Variants in ASH1L observed in about 807,000 individuals in gnomAD.
The protein encoded by ASH1L is histone-lysine N-methyltransferase ASH1L.
In ASH1L, 23 loss-of-function variants were observed where a neutral mutation model predicts 269.0. The ratio of observed to expected loss-of-function variants is 0.09; its 90% CI spans 0.06 to 0.12. The LOEUF (loss-of-function observed/expected upper bound fraction) is 0.12, where lower values mean the gene tolerates loss of function less well. ASH1L is among the 10% of genes least tolerant of loss of function. The probability of loss-of-function intolerance (pLI) is 1.00; values close to 1 mark genes in which losing one functional copy is unlikely to be tolerated. For missense variants in ASH1L, 2,912 were observed against 3,567.8 expected (o/e 0.82, Z 4.68); for synonymous variants, 1,187 against 1,253.5 (o/e 0.95, Z 1.12).
At chr1:155,348,026 A>G (rs930143402) in intron 19 of ASH1L, 122 bp from the exon 20 acceptor site, 11 of 1,154,176 alleles carry the variant, frequency 9.5e-6, no homozygotes, top group African/African-American at 3.1e-5. Flanking sequence ...CAGATTTTCA[A>G]TAGTATCAAA....
Position 155,344,366 on chromosome 1 carries a change from G to T in ASH1L, c.7891-93C>A, listed in dbSNP as rs538103112. ...CTAGAATTCTCAATCAAAACTTACT[G>T]TTTAGTCATTTCAATATACCACAGA... is the stretch of plus-strand genomic sequence containing the variant. On this transcript the variant is annotated intron_variant, in intron 21 of 27. Coordinates refer to ENST00000392403, the MANE Select transcript of ASH1L (RefSeq NM_018489.3). The T allele has an allele frequency of 1.4e-5, 13 of 951,784 alleles. No individual in the cohort carries two copies. In the South Asian group the frequency reaches 1.8e-4, roughly 13 times the overall value. The allele number at this position is 951,784 out of a possible 1,614,324, so 59.0% of individuals were successfully genotyped here. A position where few individuals can be genotyped will look rare whatever the true frequency, so the allele number is the denominator to read the frequency against.
upstream of ASH1L, chr1:155,562,864 C>A (rs1355934695): frequency 2.1e-6 from 1 of 469,722 alleles, no homozygotes; most frequent in Non-Finnish European, 4.2e-6. Flanking sequence ...CCCACGGCCA[C>A]CAACCGCCGC....
intron 2 of ASH1L, among the ~76,000 whole-genome samples, chr1:155,494,899 T>A (rs576484303): frequency 6.6e-6 from 1 of 151,620 alleles, no homozygotes; most frequent in South Asian, 2.1e-4. Context: ...TTAAAGATCA[T>A]GAAGATTGAG....
chr1:155,486,787 C>A (rs77873968), intron 2 of ASH1L, among the ~76,000 whole-genome samples: 1,545 of 151,884 alleles, frequency 0.01, 28 homozygotes, highest in African/African-American at 0.035. Context: ...GAAAATGACA[C>A]TTCCAATTTT....
At chr1:155,360,511 T>G in intron 12 of ASH1L, 102 bp from the exon 13 acceptor site, 1 of 676,516 alleles carries the variant, frequency 1.5e-6, no homozygotes, top group Non-Finnish European at 2.5e-6. Context: ...TGGTGCGATC[T>G]TGGCTCACCG....
intron 5 of ASH1L, among the ~76,000 whole-genome samples, chr1:155,420,805 G>A (rs1490705620): frequency 3.4e-5 from 5 of 145,138 alleles, no homozygotes; most frequent in Non-Finnish European, 6.0e-5. Context: ...AGCCAAGATC[G>A]CACTACTGCA....
chr1:155,489,737 A>G (rs1163131789), intron 2 of ASH1L, among the ~76,000 whole-genome samples: 1 of 151,528 alleles, frequency 6.6e-6, no homozygotes, highest in African/African-American at 2.4e-5. Context: ...CAGCCTGGGC[A>G]ACAGAGGGAG....
At chr1:155,394,943 AT>A (rs112498668) in intron 7 of ASH1L, among the ~76,000 whole-genome samples, 1 of 151,950 alleles carries the variant, frequency 6.6e-6, no homozygotes, top group African/African-American at 2.4e-5. Flanking sequence ...TATTTATTTA[AT>A]TTTTTTTAGA....
chr1:155,469,525 C>G (rs999273072), intron 3 of ASH1L, among the ~76,000 whole-genome samples: 1 of 152,188 alleles, frequency 6.6e-6, no homozygotes, highest in Non-Finnish European at 1.5e-5. Flanking sequence ...AAGAAACCCA[C>G]TGAATTCACC....
At chr1:155,376,138 ACT>A (rs1171048978) in intron 10 of ASH1L, among the ~76,000 whole-genome samples, 2 of 152,150 alleles carry the variant, frequency 1.3e-5, no homozygotes, top group African/African-American at 4.8e-5. Context: ...TGTGGACCAC[ACT>A]GTTTAATAAA....
At chr1:155,464,940 A>G (rs1249686430) in intron 3 of ASH1L, among the ~76,000 whole-genome samples, 1 of 152,240 alleles carries the variant, frequency 6.6e-6, no homozygotes, top group East Asian at 1.9e-4. Context: ...TGGATCATAA[A>G]GAAATAAGAT....
intron 1 of ASH1L, among the ~76,000 whole-genome samples, chr1:155,527,763 C>T (rs1669367944): frequency 6.6e-6 from 1 of 152,006 alleles, no homozygotes; most frequent in South Asian, 2.1e-4. Flanking sequence ...CCAGGCTAGT[C>T]TTCAAGTCCT....
At chr1:155,399,772 G>C (rs2148495040) in intron 6 of ASH1L, among the ~76,000 whole-genome samples, 1 of 152,132 alleles carries the variant, frequency 6.6e-6, no homozygotes, top group South Asian at 2.1e-4. Context: ...AAACTTATTT[G>C]AAAAGATAAA....
chr1:155,452,061 GAC>G (rs1466780721), intron 4 of ASH1L, among the ~76,000 whole-genome samples: 2 of 141,874 alleles, frequency 1.4e-5, no homozygotes, highest in Non-Finnish European at 3.0e-5. Context: ...TTTTTTTTGA[GAC>G]AGTCTCACTC....
rs1189827629 is a variant in ASH1L at position 155,453,957 on chromosome 1, T to C, written c.5086+5840A>G. ...CTCTACTAAAAATACAAAAAGAAAT[T>C]AGCGGGGCGTGGTGGCAGGCGCCCG... On this transcript the variant is annotated intron_variant, in intron 4 of 27. Transcript: ENST00000392403. 2.6e-5 allele frequency among the ~76,000 whole-genome samples: 4 copies of C among 151,596 alleles called. No homozygotes were observed. The East Asian group carries it at 7.8e-4, about 29-fold the overall frequency.
intron 25 of ASH1L, 140 bp downstream of exon 25, chr1:155,341,796 A>G: frequency 1.2e-6 from 1 of 863,034 alleles, no homozygotes; most frequent in Non-Finnish European, 1.8e-6. Flanking sequence ...AAATGTCCCA[A>G]ATAGAGACAG....
chr1:155,496,869 C>T (rs1667188589), intron 2 of ASH1L, among the ~76,000 whole-genome samples: 1 of 151,872 alleles, frequency 6.6e-6, no homozygotes, highest in Non-Finnish European at 1.5e-5. Flanking sequence ...TGGTCTCAAA[C>T]TCCCGGGCTC....
chr1:155,449,576 G>C (rs535426162), intron 4 of ASH1L, among the ~76,000 whole-genome samples: 1 of 150,072 alleles, frequency 6.7e-6, no homozygotes, highest in African/African-American at 2.5e-5. Context: ...CTGCAGTGCA[G>C]TGGCACGATC....
rs1665992105 is a variant in ASH1L at position 155,481,982 on chromosome 1, T to C, written c.888A>G (p.Ala296=). The C allele has an allele frequency of 1.9e-6, 3 of 1,614,182 alleles. No individual in the cohort carries two copies. The highest frequency in any genetic ancestry group is 4.5e-5 in the East Asian group (2 of 44,892). The change falls in exon 3 of 28, where the codon GCA becomes GCG. Residue 296 remains alanine (A), a synonymous_variant. Transcript: ENST00000392403. Reference sequence around the variant, plus strand: ...CAGAGTCCTTATTGACCAATCCTACTGCTGCATTAAACACTGGCTTTTTCC... The same window carrying C: ...CAGAGTCCTTATTGACCAATCCTACCGCTGCATTAAACACTGGCTTTTTCC... The part of the protein sequence containing the change: ...DPGKKPVFNA[A]VGLVNKDSVK...
Sources: gnomAD v4.1 joint callset for allele counts (sites outside exome capture counted in the v4.1 genomes callset) on GRCh38, gnomAD v4.1.1 for gene constraint, MANE v1.5 for transcripts, NCBI Gene and HGNC (gene_info 2026-07-23, HGNC 2026-07-21) for gene names.